Variants in ANKRD53 observed in about 807,000 individuals in gnomAD.
The protein encoded by ANKRD53 is ankyrin repeat domain-containing protein 53.
Under a neutral mutation model 30.1 loss-of-function variants are expected in ANKRD53, and 27 were observed. The ratio of observed to expected loss-of-function variants is 0.90; its 90% confidence interval spans 0.66 to 1.24. The LOEUF is 1.24. Ranked by LOEUF, ANKRD53 falls within the 50% of genes most tolerant of loss-of-function variation. The pLI, the probability that ANKRD53 is intolerant of heterozygous loss-of-function variation, is 0.00. For synonymous variants in ANKRD53, 286 were observed against 295.4 expected (o/e 0.97, Z 0.33); for missense variants, 682 against 721.0 (o/e 0.95, Z 0.62).
chr2:70,983,311 AG>A lies in ANKRD53; in HGVS notation c.903+616del, dbSNP rs374383335. ...AGGCATAAAGAGCAGCCGCATGGAAAGGCATAGAGGCACCTGGGAACATGAT... is the reference window on the plus strand; with the variant it reads ...AGGCATAAAGAGCAGCCGCATGGAAAGCATAGAGGCACCTGGGAACATGAT... On this transcript the variant is annotated intron_variant, in intron 5 of 5. Coordinates refer to ENST00000360589, the MANE Select transcript of ANKRD53 (RefSeq NM_001115116.2). 3.8e-3 allele frequency among the ~76,000 whole-genome samples: 575 copies of A among 152,328 alleles called. 4 individuals carry two copies. The highest frequency in any genetic ancestry group is 0.013 in the African/African-American group (554 of 41,574).
intron 1 of ANKRD53, 33 bp from the exon 2 acceptor site, chr2:70,979,064 C>T: frequency 1.3e-6 from 2 of 1,543,654 alleles, no homozygotes; most frequent in Middle Eastern, 2.3e-4. Context: ...GGGCCGTGGC[C>T]CAGAGTCGCT....
At chr2:70,980,318 C>CAAAA (rs35991485) in intron 3 of ANKRD53, among the ~76,000 whole-genome samples, 7 of 76,110 alleles carry the variant, frequency 9.2e-5, no homozygotes, top group Admixed American at 1.7e-4. Flanking sequence ...TCCGTCTCAA[C>CAAAA]AAAAAAAAAA....
At chr2:70,983,973 G>A in intron 5 of ANKRD53, 1 of 684,232 alleles carries the variant, frequency 1.5e-6, no homozygotes, top group African/African-American at 1.8e-5. Context: ...AAGGCTCCGT[G>A]GAGGCAAGGA....
At chr2:70,979,488 G>A (rs1669935575) in intron 2 of ANKRD53, 145 bp downstream of exon 2, 9 of 1,470,506 alleles carry the variant, frequency 6.1e-6, no homozygotes, top group African/African-American at 1.4e-5. Context: ...CATTTTGGGG[G>A]CAGGGAGGTT....
chr2:70,984,958 G>A lies in ANKRD53; in HGVS notation c.1251G>A (p.Glu417=). ...RLGVHPDPTP[E]HDFSSFLEVR... ...GCGTGCATCCAGACCCCACTCCGGA[G>A]CACGACTTCAGCAGCTTCCTGGAGG... Residue 417 remains glutamate, a synonymous_variant, in exon 6 of 6, where the codon GAG becomes GAA. Transcript: ENST00000360589. 6.5e-7 allele frequency: 1 copy of A among 1,550,224 alleles called. No homozygotes were observed. The highest frequency in any genetic ancestry group is 8.7e-7 in the Non-Finnish European group (1 of 1,146,680).
intron 3 of ANKRD53, among the ~76,000 whole-genome samples, chr2:70,980,937 C>T (rs1669992638): frequency 6.6e-6 from 1 of 151,868 alleles, no homozygotes; most frequent in South Asian, 2.1e-4. Flanking sequence ...CAGAGCGAGA[C>T]TCCGTCTAAA....
At chr2:70,979,572 T>A in intron 2 of ANKRD53, 89 bp from the exon 3 acceptor site, 1 of 1,449,190 alleles carries the variant, frequency 6.9e-7, no homozygotes, top group Non-Finnish European at 9.3e-7. Context: ...GGGAAGAAAG[T>A]GAAGGTAACC....
Position 70,978,861 on chromosome 2 carries a change from G to C in ANKRD53, c.170+46G>C, listed in dbSNP as rs782648784. ...TCCCGGCTGCAGGGAGCGAGAACCC[G>C]GCCCAGCGCCTCCCTGGTGGGCAGG... On this transcript the variant is annotated intron_variant, in intron 1 of 5. Coordinates refer to ENST00000360589, the MANE Select transcript of ANKRD53 (RefSeq NM_001115116.2). The surrounding 1 kb of genome is among the most constrained non-coding windows in gnomAD (Gnocchi z 4.3). 4 of 1,530,214 alleles carry C rather than the reference G, an allele frequency of 2.6e-6. No individual in the cohort carries two copies. In the South Asian group the frequency reaches 3.7e-5, roughly 14 times the overall value. 94.8% of individuals were successfully genotyped at this position (1,530,214 alleles called of 1,614,324 possible). A position where few individuals can be genotyped will look rare whatever the true frequency, so the allele number is the denominator to read the frequency against.
At chr2:70,981,913 C>T (rs782662830) in intron 3 of ANKRD53, 23 bp from the exon 4 acceptor site, 8 of 1,534,910 alleles carry the variant, frequency 5.2e-6, no homozygotes, top group African/African-American at 2.8e-5. Flanking sequence ...TGCCCTTATC[C>T]CCACTGGTGG....
chr2:70,978,761 C>A lies in ANKRD53; in HGVS notation c.116C>A (p.Ala39Glu). Residue 39 changes from alanine to glutamate, a missense_variant, in exon 1 of 6, where the codon GCG (alanine) becomes GAG (glutamate). Ala to Glu is a moderately radical substitution (Grantham distance 107). Coordinates refer to ENST00000360589, the MANE Select transcript of ANKRD53 (RefSeq NM_001115116.2). This position sits in a 1 kb window ranked among gnomAD's most constrained non-coding sequence, Gnocchi z 4.3. ...QPTPSGSMQQANKVSLKATWT... is the reference protein window; with the variant it reads ...QPTPSGSMQQENKVSLKATWT... ...ACTCCAAGTGGCTCCATGCAGCAGG[C>A]GAACAAAGTCTCCTTGAAGGCCACC... 1.9e-6 allele frequency: 3 copies of A among 1,569,238 alleles called. No homozygotes were observed. The highest frequency in any genetic ancestry group is 1.7e-6 in the Non-Finnish European group (2 of 1,157,712).
Position 70,979,223 on chromosome 2 carries a change from G to A in ANKRD53, c.297G>A (p.Thr99=), listed in dbSNP as rs782335971. ...GCCCCAGCAAGGAGTCCGACCAGAC[G>A]GCAATCGACCAGACGGCGATCGGGA... The part of the protein sequence containing the change: ...DPSPSKESDQ[T]AIDQTAIGSY... The change falls in exon 2 of 6, where the codon ACG becomes ACA. Residue 99 remains threonine, a synonymous_variant. Transcript: ENST00000360589. The A allele has an allele frequency of 5.5e-5, 88 of 1,613,334 alleles. 1 individual carries two copies. In the Admixed American group the frequency reaches 1.4e-3, roughly 27 times the overall value.
In ANKRD53 at chr2:70,982,255, C is replaced by T; in HGVS notation, c.782+155C>T. ...ACTGCCCAGGATATTTTGGATGAGG[C>T]AATCACCTCATCACCTGGGCTTGGG... On this transcript the variant is annotated intron_variant, in intron 4 of 5. Coordinates refer to ENST00000360589, the MANE Select transcript of ANKRD53 (RefSeq NM_001115116.2). The surrounding 1 kb of genome is among the most constrained non-coding windows in gnomAD (Gnocchi z 4.2). 1 of 916,776 alleles carries T rather than the reference C, an allele frequency of 1.1e-6. No individual in the cohort carries two copies. The highest frequency in any genetic ancestry group is 1.6e-6 in the Non-Finnish European group (1 of 627,120). The allele number at this position is 916,776 out of a possible 1,614,324, so 56.8% of individuals were successfully genotyped here.
In ANKRD53 at chr2:70,978,975, G is replaced by A. The variant is rs566507128; in HGVS notation, c.171-122G>A. Reference sequence around the variant, plus strand: ...GGATCGCCTCCCGAGAGGTGCCTAGGCCGTGGCCCAGAGTCGCTTCCCCAC... The same window carrying A: ...GGATCGCCTCCCGAGAGGTGCCTAGACCGTGGCCCAGAGTCGCTTCCCCAC... On this transcript the variant is annotated intron_variant, in intron 1 of 5. Coordinates refer to ENST00000360589, the MANE Select transcript of ANKRD53 (RefSeq NM_001115116.2). This position sits in a 1 kb window ranked among gnomAD's most constrained non-coding sequence, Gnocchi z 4.3. The A allele has an allele frequency of 6.9e-7, 1 of 1,449,584 alleles. No homozygotes were observed. Among genetic ancestry groups the A allele is most frequent in the Non-Finnish European group, 9.1e-7 (1 of 1,103,084 alleles). 89.8% of individuals were successfully genotyped at this position (1,449,584 alleles called of 1,614,324 possible).
chr2:70,985,147 G>C lies in ANKRD53; in HGVS notation c.1440G>C (p.Arg480Ser), dbSNP rs1348277203. 5.2e-6 allele frequency: 8 copies of C among 1,551,218 alleles called. No homozygotes were observed. In the East Asian group the frequency reaches 1.2e-4, roughly 24 times the overall value. Residue 480 changes from arginine (R) to serine (S), a missense_variant, in exon 6 of 6, where the codon AGG becomes AGC. Coordinates refer to ENST00000360589, the MANE Select transcript of ANKRD53 (RefSeq NM_001115116.2). ...AGGGCTTTTACCCCATCAGCATGAG[G>C]GAAGTGCCCAGGAAGCGGCACCTGG... ...VPQGFYPISM[R>S]EVPRKRHLGD...
In ANKRD53 at chr2:70,981,925, G is replaced by T; in HGVS notation, c.618-11G>T. The T allele has an allele frequency of 6.4e-7, 1 of 1,559,734 alleles. No homozygotes were observed. The highest frequency in any genetic ancestry group is 8.7e-7 in the Non-Finnish European group (1 of 1,151,458). On this transcript the variant is annotated splice_polypyrimidine_tract_variant and intron_variant, in intron 3 of 5. Transcript: ENST00000360589. Reference sequence around the variant, plus strand: ...TTCTGCCCTTATCCCCACTGGTGGGGCCTTCCACAGTCAGACATGCAACGG... The same window carrying T: ...TTCTGCCCTTATCCCCACTGGTGGGTCCTTCCACAGTCAGACATGCAACGG...
rs1254089507 is a variant in ANKRD53, at chr2:70,985,497, C to CT, written c.*197_*198insT. 1.7e-6 allele frequency: 1 copy of CT among 583,920 alleles called. No homozygotes were observed. Among genetic ancestry groups the CT allele is most frequent in the Admixed American group, 3.4e-5 (1 of 29,502 alleles). The allele number at this position is 583,920 out of a possible 1,614,324, so 36.2% of individuals were successfully genotyped here. Reference sequence around the variant, plus strand: ...TGCAAATAAATCTCTTGGCACCCCCCCACCGCCGCCAGGAAATCCAAGTTA... The same window carrying CT: ...TGCAAATAAATCTCTTGGCACCCCCCTCACCGCCGCCAGGAAATCCAAGTTA... On this transcript the variant is annotated 3_prime_UTR_variant, in exon 6 of 6. Transcript: ENST00000360589.
In ANKRD53 at chr2:70,978,858, C is replaced by G. The variant is rs1669907569; in HGVS notation, c.170+43C>G. ...GTGTCCCGGCTGCAGGGAGCGAGAA[C>G]CCGGCCCAGCGCCTCCCTGGTGGGC... is the stretch of plus-strand genomic sequence containing the variant. On this transcript the variant is annotated intron_variant, in intron 1 of 5. Transcript: ENST00000360589. The surrounding 1 kb of genome is among the most constrained non-coding windows in gnomAD (Gnocchi z 4.3). The G allele has an allele frequency of 3.9e-6, 6 of 1,532,274 alleles. No individual in the cohort carries two copies. The highest frequency in any genetic ancestry group is 2.0e-5 in the Admixed American group (1 of 49,900). 94.9% of individuals were successfully genotyped at this position (1,532,274 alleles called of 1,614,324 possible).
In ANKRD53 at chr2:70,985,181, A is replaced by ACC. The variant is rs1670149691; in HGVS notation, c.1475_1476dup (p.Phe493ProfsTer9). On this transcript the variant is annotated frameshift_variant, in exon 6 of 6. Coordinates refer to ENST00000360589, the MANE Select transcript of ANKRD53 (RefSeq NM_001115116.2). LOFTEE classifies it low-confidence loss of function (END_TRUNC). ...CAGGAAGCGGCACCTGGGTGACAAC[A>ACC]CCTTCTGGACCGACACTCTGGCCAT... 2 of 1,551,098 alleles carry ACC rather than the reference A, an allele frequency of 1.3e-6. No homozygotes were observed. Among genetic ancestry groups the ACC allele is most frequent in the Non-Finnish European group, 1.7e-6 (2 of 1,146,918 alleles).
chr2:70,981,962 T>TGGCAACGG lies in ANKRD53; in HGVS notation c.645_646insGCAACGGG (p.His216AlafsTer15), dbSNP rs1670021819. ...CAGACATGCAACGGCTCCACGCCCC[T>TGGCAACGG]GCACCTGGCAGCCCGTGACGGCTTG... On this transcript the variant is annotated frameshift_variant, in exon 4 of 6. Coordinates refer to ENST00000360589, the MANE Select transcript of ANKRD53 (RefSeq NM_001115116.2). LOFTEE classifies it high-confidence loss of function. 6.2e-7 allele frequency: 1 copy of TGGCAACGG among 1,607,304 alleles called. No individual in the cohort carries two copies. Among genetic ancestry groups the TGGCAACGG allele is most frequent in the African/African-American group, 1.3e-5 (1 of 74,688 alleles).
Sources: gnomAD v4.1 joint callset for allele counts (sites outside exome capture counted in the v4.1 genomes callset) on GRCh38, gnomAD v4.1.1 for gene constraint, Gnocchi (gnomAD v3.1) non-coding constraint, MANE v1.5 for transcripts, NCBI Gene and HGNC (gene_info 2026-07-23, HGNC 2026-07-21) for gene names.